Variants in CNTNAP5 observed in about 807,000 individuals in gnomAD.
The protein encoded by CNTNAP5 is contactin associated protein family member 5.
CNTNAP5 carries 72 observed loss-of-function variants against 150.2 expected under a neutral mutation model. The observed-to-expected ratio is 0.48, with a 90% CI of 0.40 to 0.58. The LOEUF (loss-of-function observed/expected upper bound fraction) is 0.58, where lower values mean the gene tolerates loss of function less well. CNTNAP5 is among the 20% of genes least tolerant of loss of function. CNTNAP5 has a pLI of 0.00. For synonymous variants in CNTNAP5, 672 were observed against 619.8 expected (o/e 1.08, Z -1.25); for missense variants, 1,636 against 1,626.2 (o/e 1.01, Z -0.10).
chr2:124,560,583 C>A (rs1489198409), intron 10 of CNTNAP5, among the ~76,000 whole-genome samples: 1 of 149,826 alleles, frequency 6.7e-6, no homozygotes, highest in Non-Finnish European at 1.5e-5. Context: ...TTACAGGATT[C>A]TTCTTTCTTA....
At chr2:124,518,729 G>A (rs765071613) in intron 8 of CNTNAP5, among the ~76,000 whole-genome samples, 3 of 152,140 alleles carry the variant, frequency 2.0e-5, no homozygotes, top group African/African-American at 4.8e-5. Flanking sequence ...GCTCATGCCT[G>A]TAATCCTATC....
chr2:124,378,309 A>G (rs1690704258), intron 3 of CNTNAP5, among the ~76,000 whole-genome samples: 1 of 152,084 alleles, frequency 6.6e-6, no homozygotes, highest in Non-Finnish European at 1.5e-5. Context: ...ACATTAGAGA[A>G]AAATGTAAGG....
At chr2:124,496,716 A>G (rs1182147022) in intron 7 of CNTNAP5, among the ~76,000 whole-genome samples, 1 of 152,172 alleles carries the variant, frequency 6.6e-6, no homozygotes, top group Non-Finnish European at 1.5e-5. Context: ...GGACAGCCAC[A>G]CCTGACTTAC....
At chr2:124,626,683 G>T (rs1162628065) in intron 12 of CNTNAP5, among the ~76,000 whole-genome samples, 1 of 152,148 alleles carries the variant, frequency 6.6e-6, no homozygotes, top group African/African-American at 2.4e-5. Context: ...CATCGGGGGT[G>T]CCTTGAGCTC....
chr2:124,377,169 G>A (rs1419452553), intron 3 of CNTNAP5, among the ~76,000 whole-genome samples: 1 of 152,080 alleles, frequency 6.6e-6, no homozygotes, highest in Non-Finnish European at 1.5e-5. Context: ...CAGAACTCAG[G>A]CTCACCAAGG....
At chr2:124,378,556 A>G (rs1049344461) in intron 3 of CNTNAP5, among the ~76,000 whole-genome samples, 6 of 152,128 alleles carry the variant, frequency 3.9e-5, no homozygotes, top group African/African-American at 1.2e-4. Context: ...TTAAAATTAC[A>G]TTGTATGGTC....
At chr2:124,556,882 G>A (rs951950324) in intron 10 of CNTNAP5, among the ~76,000 whole-genome samples, 65 of 152,016 alleles carry the variant, frequency 4.3e-4, no homozygotes, top group African/African-American at 1.5e-3. Flanking sequence ...TTGGTTAAAG[G>A]TAACAAGGAT....
At chr2:124,707,536 C>T (rs1299770076) in intron 13 of CNTNAP5, among the ~76,000 whole-genome samples, 1 of 147,014 alleles carries the variant, frequency 6.8e-6, no homozygotes, top group African/African-American at 2.4e-5. Context: ...TCACATACTC[C>T]ACCCATCGCA....
At chr2:124,827,864 C>A (rs1682631008) in intron 19 of CNTNAP5, among the ~76,000 whole-genome samples, 1 of 152,146 alleles carries the variant, frequency 6.6e-6, no homozygotes, top group Admixed American at 6.6e-5. Flanking sequence ...TTTCTTCCCC[C>A]ACTTCCCTTG....
intron 1 of CNTNAP5, among the ~76,000 whole-genome samples, chr2:124,156,067 G>C (rs1188972226): frequency 4.6e-5 from 7 of 152,208 alleles, no homozygotes; most frequent in Admixed American, 4.6e-4. Context: ...GGGTAGATTT[G>C]TGCCAATTAA....
intron 11 of CNTNAP5, among the ~76,000 whole-genome samples, chr2:124,601,269 T>C (rs1336545225): frequency 3.3e-5 from 5 of 152,184 alleles, no homozygotes; most frequent in African/African-American, 9.7e-5. Flanking sequence ...CTCCGAGATA[T>C]TCCACAGCCA....
rs1553434489 is a variant in CNTNAP5, at chr2:124,713,308, C to CTT, written c.2078-33920_2078-33919insTT. ...TTCTTTCTTTCTTTCTTTCTTCTTTCTCTTTCTTTCCTTTCTTTCTTTCTT... is the reference window on the plus strand; with the variant it reads ...TTCTTTCTTTCTTTCTTTCTTCTTTCTTTCTTTCTTTCCTTTCTTTCTTTCTT... On this transcript the variant is annotated intron_variant, in intron 13 of 23. Coordinates refer to ENST00000682447, the MANE Select transcript of CNTNAP5 (RefSeq NM_001367498.1). Among the ~76,000 whole-genome samples, 196 of 57,350 alleles carry CTT rather than the reference C, an allele frequency of 3.4e-3. 9 individuals are homozygous for CTT. The highest frequency in any genetic ancestry group is 0.019 in the Middle Eastern group (2 of 104). The allele number at this position is 57,350 out of a possible 152,430, so 37.6% of individuals were successfully genotyped here. A position where few individuals can be genotyped will look rare whatever the true frequency, so the allele number is the denominator to read the frequency against.
At chr2:124,089,752 T>C (rs1004408588) in intron 1 of CNTNAP5, among the ~76,000 whole-genome samples, 4 of 152,224 alleles carry the variant, frequency 2.6e-5, no homozygotes, top group Non-Finnish European at 4.4e-5. Flanking sequence ...TTATTTATCA[T>C]TGAGTTGCAC....
intron 1 of CNTNAP5, among the ~76,000 whole-genome samples, chr2:124,067,942 T>C (rs995215467): frequency 2.0e-5 from 3 of 152,242 alleles, no homozygotes; most frequent in Admixed American, 6.5e-5. Flanking sequence ...TTAGTGCATA[T>C]AGCCTGGATA....
At chr2:124,107,878 A>C (rs1374363300) in intron 1 of CNTNAP5, among the ~76,000 whole-genome samples, 1 of 152,196 alleles carries the variant, frequency 6.6e-6, no homozygotes, top group Non-Finnish European at 1.5e-5. Flanking sequence ...CAATATATGT[A>C]AGATGTGCAT....
At chr2:124,618,000 TG>T (rs1250422829) in intron 12 of CNTNAP5, among the ~76,000 whole-genome samples, 3 of 152,140 alleles carry the variant, frequency 2.0e-5, no homozygotes, top group African/African-American at 7.2e-5. Context: ...AGAACCTGCA[TG>T]TTTTTAGGAG....
chr2:124,795,987 T>G (rs1051548365), intron 18 of CNTNAP5, among the ~76,000 whole-genome samples: 1 of 152,138 alleles, frequency 6.6e-6, no homozygotes, highest in Admixed American at 6.5e-5. Flanking sequence ...TTATCCTTTT[T>G]GGCCAGTGGT....
intron 10 of CNTNAP5, among the ~76,000 whole-genome samples, chr2:124,537,042 G>C (rs530536952): frequency 1.3e-5 from 2 of 152,132 alleles, no homozygotes; most frequent in South Asian, 2.1e-4. Flanking sequence ...GTGTGTGAGA[G>C]AGAGAGAGAG....
intron 13 of CNTNAP5, among the ~76,000 whole-genome samples, chr2:124,707,551 T>G (rs534890282): frequency 2.1e-4 from 31 of 147,750 alleles, no homozygotes; most frequent in African/African-American, 6.3e-4. Context: ...ATCGCATCAT[T>G]GTCATGTCTT....
Sources: allele counts gnomAD v4.1 joint callset (sites outside exome capture counted in the v4.1 genomes callset), GRCh38; gene constraint gnomAD v4.1.1; transcripts MANE v1.5; gene names NCBI Gene and HGNC (gene_info 2026-07-23, HGNC 2026-07-21).